SLC22A14: variants seen among roughly 807,000 people sequenced by gnomAD.
SLC22A14 encodes the protein solute carrier family 22 member 14.
Under a neutral mutation model 53.9 loss-of-function variants are expected in SLC22A14, and 50 were observed. That is an observed-to-expected ratio of 0.93 (90% CI 0.74 to 1.17). SLC22A14 has a LOEUF of 1.17. SLC22A14 is among the 50% of genes most tolerant of loss of function. SLC22A14 has a pLI of 0.00. For missense variants in SLC22A14, 671 were observed against 734.7 expected, an observed-to-expected ratio of 0.91 and a Z score of 1.00; for synonymous variants, 312 against 303.0, an observed-to-expected ratio of 1.03 and a Z score of -0.31.
intron 8 of SLC22A14, among the ~76,000 whole-genome samples, chr3:38,314,431 A>AGG (rs1704568763): frequency 6.6e-6 from 1 of 152,202 alleles, no homozygotes; most frequent in Non-Finnish European, 1.5e-5. Flanking sequence ...TCTTGCATGG[A>AGG]GGCCCCTCCT....
chr3:38,309,811 C>T (rs539798424), intron 5 of SLC22A14, among the ~76,000 whole-genome samples: 8 of 152,236 alleles, frequency 5.3e-5, no homozygotes, highest in Admixed American at 3.3e-4. Context: ...AAGGAACCCA[C>T]GTGTGAAGGG....
intron 1 of SLC22A14, among the ~76,000 whole-genome samples, chr3:38,294,644 T>G (rs1703987064): frequency 6.6e-6 from 1 of 152,194 alleles, no homozygotes; most frequent in African/African-American, 2.4e-5. Flanking sequence ...TAGTGCTTAT[T>G]CCTTTCCAGG....
intron 1 of SLC22A14, among the ~76,000 whole-genome samples, chr3:38,286,470 A>G (rs1182812260): frequency 6.7e-6 from 1 of 149,248 alleles, no homozygotes; most frequent in Non-Finnish European, 1.5e-5. Flanking sequence ...GCTGGAGTGC[A>G]GTGGCACCAC....
chr3:38,313,689 C>CGCGCGCGCGT lies in SLC22A14; in HGVS notation c.1164-35_1164-34insCGCGCGTGCG, dbSNP rs758558841. On this transcript the variant is annotated intron_variant, in intron 7 of 10. Coordinates refer to ENST00000448498, the MANE Select transcript of SLC22A14 (RefSeq NM_001320033.2). ...TTATTCCTGGCTCCGTGTGTGTGCG[C>CGCGCGCGCGT]GCGTGTGCACGCGCACTTGCCTCCT... 8.7e-6 allele frequency: 7 copies of CGCGCGCGCGT among 809,196 alleles called. No homozygotes were observed. In the East Asian group the frequency reaches 2.1e-4, roughly 25 times the overall value. The allele number at this position is 809,196 out of a possible 1,614,324, so 50.1% of individuals were successfully genotyped here.
chr3:38,279,982 T>G (rs901295875), upstream of SLC22A14, among the ~76,000 whole-genome samples: 2 of 152,198 alleles, frequency 1.3e-5, no homozygotes, highest in Non-Finnish European at 2.9e-5. Context: ...GTCCCTCCAC[T>G]TGTAAGACAA....
At position 38,306,358 on chromosome 3, in the gene SLC22A14, C is replaced by G. The variant is rs373698627; in HGVS notation, c.332C>G (p.Ser111Cys). 8 of 1,614,186 alleles carry G rather than the reference C, an allele frequency of 5.0e-6. No homozygotes were observed. The South Asian group carries it at 6.6e-5, about 13-fold the overall frequency. ...ATCCTGGCAGTGGGCCCCCACCTGT[C>G]CAAAGCTGAGCAGCTGAATCTGACC... ...SWILAVGPHL[S>C]KAEQLNLTIP... The change falls in exon 2 of 11, where the codon TCC becomes TGC. Residue 111 changes from serine (S) to cysteine (C), a missense_variant. Coordinates refer to ENST00000448498, the MANE Select transcript of SLC22A14 (RefSeq NM_001320033.2).
chr3:38,304,127 CT>C (rs1704238142), intron 1 of SLC22A14, among the ~76,000 whole-genome samples: 4 of 148,838 alleles, frequency 2.7e-5, no homozygotes, highest in African/African-American at 7.4e-5. Context: ...GGAGGCAGAG[CT>C]TGCAGTGAGC....
intron 6 of SLC22A14, 51 bp downstream of exon 6, chr3:38,313,170 G>T (rs1559554011): frequency 6.3e-7 from 1 of 1,599,542 alleles, no homozygotes; most frequent in East Asian, 2.3e-5. Context: ...CTGTGGAAGG[G>T]CCCCTTCCCT....
At position 38,309,094 on chromosome 3, in the gene SLC22A14, C is replaced by T. The variant is rs925165234; in HGVS notation, c.916C>T (p.Leu306Phe). Residue 306 changes from leucine (L) to phenylalanine (F), a missense_variant, in exon 5 of 11, where the codon CTT (leucine) becomes TTT (phenylalanine). By Grantham distance (22) the Leu-to-Phe change is conservative. Transcript: ENST00000448498. The stretch of plus-strand genomic sequence containing the variant: ...GCTGCTGTTTCTGGTGGGTGGGATA[C>T]TTGTGATCCCCTTCATCTCCTATAT... ...WQLLFLVGGI[L>F]VIPFISYIWI... 1.2e-6 allele frequency: 2 copies of T among 1,613,868 alleles called. No homozygotes were observed. Among genetic ancestry groups the T allele is most frequent in the East Asian group, 2.2e-5 (1 of 44,900 alleles).
chr3:38,291,155 G>A (rs916605426), intron 1 of SLC22A14, among the ~76,000 whole-genome samples: 1 of 152,178 alleles, frequency 6.6e-6, no homozygotes, highest in Non-Finnish European at 1.5e-5. Flanking sequence ...AGTTCCTGGA[G>A]TGAGGGGATT....
intron 6 of SLC22A14, 71 bp from the exon 7 acceptor site, chr3:38,313,317 T>G: frequency 7.2e-7 from 1 of 1,385,784 alleles, no homozygotes; most frequent in Non-Finnish European, 1.0e-6. Context: ...GCAGGCCTTG[T>G]GGGTGCTGTG....
intron 1 of SLC22A14, among the ~76,000 whole-genome samples, chr3:38,296,138 G>T (rs1449860393): frequency 6.6e-6 from 1 of 152,250 alleles, no homozygotes; most frequent in Non-Finnish European, 1.5e-5. Flanking sequence ...TCGTGGTTGG[G>T]ACCCAGGAGG....
In SLC22A14 at chr3:38,307,702, A is replaced by C. The variant is rs1231181866; in HGVS notation, c.757A>C (p.Ile253Leu). 20 of 1,614,048 alleles carry C rather than the reference A, an allele frequency of 1.2e-5. No homozygotes were observed. The highest frequency in any genetic ancestry group is 1.7e-5 in the Non-Finnish European group (20 of 1,180,044). The change falls in exon 4 of 11, where the codon ATC becomes CTC. Residue 253 changes from isoleucine to leucine, a missense_variant. By Grantham distance (5) the Ile-to-Leu change is conservative. Transcript: ENST00000448498. The surrounding 1 kb of genome is among the most constrained non-coding windows in gnomAD (Gnocchi z 4.4). The stretch of plus-strand genomic sequence containing the variant: ...CTCGCAGTCAGTGGTGGGCTACGCC[A>C]TCAGCAGCATTTCTTTGGGTGAGAC... ...GISQSVVGYAISSISLATEWL... is the reference protein window; with the variant it reads ...GISQSVVGYALSSISLATEWL...
In SLC22A14 at chr3:38,318,357, A is replaced by G; in HGVS notation, c.*108A>G. ...TTCAATAAAGAGGAAGCAAACAGCC[A>G]GGCTCCCTGAGGGCCAGGCCCCCAG... On this transcript the variant is annotated 3_prime_UTR_variant, in exon 11 of 11. Coordinates refer to ENST00000448498, the MANE Select transcript of SLC22A14 (RefSeq NM_001320033.2). The G allele has an allele frequency of 9.6e-7, 1 of 1,042,586 alleles. No individual in the cohort carries two copies. Among genetic ancestry groups the G allele is most frequent in the South Asian group, 1.3e-5 (1 of 76,718 alleles). 64.6% of individuals were successfully genotyped at this position (1,042,586 alleles called of 1,614,324 possible).
Position 38,313,074 on chromosome 3 carries a change from C to T in SLC22A14, c.1020C>T (p.Ala340=), listed in dbSNP as rs766971376. 23 of 1,605,048 alleles carry T rather than the reference C, an allele frequency of 1.4e-5. No homozygotes were observed. The highest frequency in any genetic ancestry group is 3.4e-5 in the South Asian group (3 of 88,904). ...AGGCCAAGCAGGTGCTGTGCTACGC[C>T]GCAAGTGTGAACAAGAAGACCATTC... ...VKEAKQVLCY[A]ASVNKKTIPS... The change falls in exon 6 of 11, where the codon GCC becomes GCT. Residue 340 remains alanine, a synonymous_variant. Coordinates refer to ENST00000448498, the MANE Select transcript of SLC22A14 (RefSeq NM_001320033.2).
At position 38,307,744 on chromosome 3, in the gene SLC22A14, A is replaced by C; in HGVS notation, c.775+24A>C. The C allele has an allele frequency of 6.2e-7, 1 of 1,613,108 alleles. No individual in the cohort carries two copies. Among genetic ancestry groups the C allele is most frequent in the Non-Finnish European group, 8.5e-7 (1 of 1,179,442 alleles). ...GGGTGAGACTGGGCCTCAATGGGGC[A>C]GGGCAGGGTGGCACAGGGGCATGGC... On this transcript the variant is annotated intron_variant, in intron 4 of 10. Transcript: ENST00000448498. This position sits in a 1 kb window ranked among gnomAD's most constrained non-coding sequence, Gnocchi z 4.4.
At chr3:38,305,289 G>A (rs949960168) in intron 1 of SLC22A14, 13 of 152,184 alleles carry the variant, frequency 8.5e-5, no homozygotes, top group African/African-American at 2.9e-4. Context: ...ATGTACCTCT[G>A]TGAGAGTCTT....
intron 10 of SLC22A14, 96 bp downstream of exon 10, chr3:38,316,620 C>A: frequency 9.0e-7 from 1 of 1,111,672 alleles, no homozygotes; most frequent in Non-Finnish European, 1.3e-6. Flanking sequence ...CCCCGCCCCT[C>A]TGCCGGAGAG....
upstream of SLC22A14, among the ~76,000 whole-genome samples, chr3:38,281,135 C>T (rs2298419): frequency 0.28 from 42,117 of 151,932 alleles, 6,920 homozygotes; most frequent in South Asian, 0.45. Context: ...GCAGACACCC[C>T]GAGGGAGGTC....
Sources: gnomAD v4.1 joint callset for allele counts (sites outside exome capture counted in the v4.1 genomes callset) on GRCh38, gnomAD v4.1.1 for gene constraint, Gnocchi (gnomAD v3.1) non-coding constraint, MANE v1.5 for transcripts, NCBI Gene and HGNC (gene_info 2026-07-23, HGNC 2026-07-21) for gene names.